EGR3: variants seen among roughly 807,000 people sequenced by gnomAD.
EGR3 encodes the protein early growth response 3, also known as early growth response protein 3.
EGR3 carries 4 observed loss-of-function variants against 22.4 expected under a neutral mutation model. The ratio of observed to expected loss-of-function variants is 0.18; its 90% confidence interval spans 0.09 to 0.41. The LOEUF is 0.41. EGR3 is among the 10% of genes least tolerant of loss of function. The pLI is 1.00. For missense variants in EGR3, 315 were observed against 541.3 expected (o/e 0.58, Z 4.15); for synonymous variants, 219 against 226.8 (o/e 0.97, Z 0.31).
In EGR3 at chr8:22,689,425, T is replaced by C; in HGVS notation, c.*1048A>G. ...GTGGGAAGGAGAAATTGCTATGTAA[T>C]TGAGAGAAGACACAAAGCTGGAGTG... On this transcript the variant is annotated 3_prime_UTR_variant, in exon 2 of 2. Coordinates refer to ENST00000317216, the MANE Select transcript of EGR3 (RefSeq NM_004430.3). 6.6e-6 allele frequency: 1 copy of C among 152,572 alleles called. No individual in the cohort carries two copies. Among genetic ancestry groups the C allele is most frequent in the East Asian group, 1.9e-4 (1 of 5,188 alleles). The allele number at this position is 152,572 out of a possible 1,614,324, so 9.5% of individuals were successfully genotyped here. A position where few individuals can be genotyped will look rare whatever the true frequency, so the allele number is the denominator to read the frequency against.
Position 22,691,465 on chromosome 8 carries a change from C to A in EGR3, c.172G>T (p.Gly58Cys). ...QMATENVMDI[G>C]LTNEKPNPEL... ...GGGTTGGGCTTCTCGTTGGTCAGAC[C>A]GATGTCCATTACATTCTCTGCGGAG... The change falls in exon 2 of 2, where the codon GGT becomes TGT. Residue 58 changes from glycine to cysteine, a missense_variant. By Grantham distance (159) the Gly-to-Cys change is radical. Around this residue, in one of 4 missense-constraint regions of EGR3, gnomAD observed 227 missense variants for 303.6 expected, o/e 0.75. Transcript: ENST00000317216. 2 of 1,613,818 alleles carry A rather than the reference C, an allele frequency of 1.2e-6. No homozygotes were observed. Among genetic ancestry groups the A allele is most frequent in the Non-Finnish European group, 1.7e-6 (2 of 1,179,944 alleles).
rs1009486237 is a variant in EGR3, at chr8:22,692,156, G to A, written c.154+635C>T. The A allele has an allele frequency of 7.3e-6, 10 of 1,379,310 alleles. No individual in the cohort carries two copies. The African/African-American group carries it at 1.5e-4, about 21-fold the overall frequency. 85.4% of individuals were successfully genotyped at this position (1,379,310 alleles called of 1,614,324 possible). A position where few individuals can be genotyped will look rare whatever the true frequency, so the allele number is the denominator to read the frequency against. On this transcript the variant is annotated intron_variant, in intron 1 of 1. Transcript: ENST00000317216. This position sits in a 1 kb window ranked among gnomAD's most constrained non-coding sequence, Gnocchi z 6.2. The stretch of plus-strand genomic sequence containing the variant: ...AAACCGGCCGGTGTCTCCATGGCGG[G>A]AGAGGCCGCCCTTCCCCAGCTCCCC...
rs1563183321 is a variant in EGR3, at chr8:22,691,149, G to C, written c.488C>G (p.Pro163Arg). The change falls in exon 2 of 2, where the codon CCC (proline) becomes CGC (arginine). Residue 163 changes from proline to arginine, a missense_variant. Around this residue, in one of 4 missense-constraint regions of EGR3, gnomAD observed 227 missense variants for 303.6 expected, o/e 0.75. Coordinates refer to ENST00000317216, the MANE Select transcript of EGR3 (RefSeq NM_004430.3). Reference protein sequence around the residue: ...LYSEPVSFHDPQGNPGLAYSP... With the variant: ...LYSEPVSFHDRQGNPGLAYSP... Reference sequence around the variant, plus strand: ...ATAGGCGAGCCCGGGATTGCCCTGGGGGTCGTGGAAAGACACGGGCTCTGA... The same window carrying C: ...ATAGGCGAGCCCGGGATTGCCCTGGCGGTCGTGGAAAGACACGGGCTCTGA... 6.2e-7 allele frequency: 1 copy of C among 1,614,112 alleles called. No homozygotes were observed. The highest frequency in any genetic ancestry group is 1.1e-5 in the South Asian group (1 of 91,088).
Position 22,690,155 on chromosome 8 carries a change from A to C in EGR3, c.*318T>G. ...ATGGGCTCCGCCTTCAGTCCCTTGC[A>C]GGTCCTTGGCGCGGCCCGGCGGCCC... On this transcript the variant is annotated 3_prime_UTR_variant, in exon 2 of 2. Transcript: ENST00000317216. 2.5e-6 allele frequency: 1 copy of C among 407,788 alleles called. No homozygotes were observed. The highest frequency in any genetic ancestry group is 4.1e-5 in the Admixed American group (1 of 24,316). The allele number at this position is 407,788 out of a possible 1,614,324, so 25.3% of individuals were successfully genotyped here. A position where few individuals can be genotyped will look rare whatever the true frequency, so the allele number is the denominator to read the frequency against.
chr8:22,691,061 A>G lies in EGR3; in HGVS notation c.576T>C (p.Pro192=). The change falls in exon 2 of 2, where the codon CCT becomes CCC. Residue 192 remains proline, a synonymous_variant. Coordinates refer to ENST00000317216, the MANE Select transcript of EGR3 (RefSeq NM_004430.3). ...ALDSNLFPMI[P]DYNLYHHPND... ...TGGGGTGGTGGTAGAGGTTGTAGTC[A>G]GGAATCATGGGGAAGAGATTGCTGT... 6.2e-7 allele frequency: 1 copy of G among 1,611,964 alleles called. No individual in the cohort carries two copies. Among genetic ancestry groups the G allele is most frequent in the Non-Finnish European group, 8.5e-7 (1 of 1,178,330 alleles).
rs890779964 is a variant in EGR3 at position 22,687,772 on chromosome 8, A to G, written c.*2701T>C. 1.3e-5 allele frequency: 2 copies of G among 152,704 alleles called. No individual in the cohort carries two copies. The highest frequency in any genetic ancestry group is 4.8e-5 in the African/African-American group (2 of 41,480). The allele number at this position is 152,704 out of a possible 1,614,324, so 9.5% of individuals were successfully genotyped here. On this transcript the variant is annotated 3_prime_UTR_variant, in exon 2 of 2. Coordinates refer to ENST00000317216, the MANE Select transcript of EGR3 (RefSeq NM_004430.3). The surrounding 1 kb of genome is among the most constrained non-coding windows in gnomAD (Gnocchi z 4.7). ...ATTTACTGTATTAGCATTTGCTCAC[A>G]GTGCAAATGGTACAACATTACACCA...
At position 22,690,060 on chromosome 8, in the gene EGR3, C is replaced by A. The variant is rs1049594658; in HGVS notation, c.*413G>T. ...TGCGCTCCTTACCCCCTCCCCCTCT[C>A]GAGTCTTCGAGGGGGTATAGAGGGA... On this transcript the variant is annotated 3_prime_UTR_variant, in exon 2 of 2. Coordinates refer to ENST00000317216, the MANE Select transcript of EGR3 (RefSeq NM_004430.3). 6 of 204,054 alleles carry A rather than the reference C, an allele frequency of 2.9e-5. No individual in the cohort carries two copies. Among genetic ancestry groups the A allele is most frequent in the Non-Finnish European group, 5.9e-5 (6 of 101,550 alleles). The allele number at this position is 204,054 out of a possible 1,614,324, so 12.6% of individuals were successfully genotyped here.
Position 22,692,202 on chromosome 8 carries a change from T to A in EGR3, c.154+589A>T. On this transcript the variant is annotated intron_variant, in intron 1 of 1. Transcript: ENST00000317216. The surrounding 1 kb of genome is among the most constrained non-coding windows in gnomAD (Gnocchi z 6.2). ...TCCCCGGCCCCGGGATCGTTCCCCG[T>A]GGCAGGCCCTCGCCCCGCGGGTGAA... 7.1e-7 allele frequency: 1 copy of A among 1,406,856 alleles called. No homozygotes were observed. The highest frequency in any genetic ancestry group is 9.2e-7 in the Non-Finnish European group (1 of 1,086,072). 87.1% of individuals were successfully genotyped at this position (1,406,856 alleles called of 1,614,324 possible).
rs1202840333 is a variant in EGR3, at chr8:22,688,815, AC to A, written c.*1657del. ...CCTATTACTCCACTTCAAAGGAGCCACCCTGTACGAGAAGGGCTGGCAGGAC... is the reference window on the plus strand; with the variant it reads ...CCTATTACTCCACTTCAAAGGAGCCACCTGTACGAGAAGGGCTGGCAGGAC... On this transcript the variant is annotated 3_prime_UTR_variant, in exon 2 of 2. Transcript: ENST00000317216. The A allele has an allele frequency of 2.0e-5, 3 of 152,702 alleles. No individual in the cohort carries two copies. Among genetic ancestry groups the A allele is most frequent in the Non-Finnish European group, 2.9e-5 (2 of 68,044 alleles). The allele number at this position is 152,702 out of a possible 1,614,324, so 9.5% of individuals were successfully genotyped here. A position where few individuals can be genotyped will look rare whatever the true frequency, so the allele number is the denominator to read the frequency against.
At position 22,691,192 on chromosome 8, in the gene EGR3, T is replaced by G; in HGVS notation, c.445A>C (p.Asn149His). The part of the protein sequence containing the change: ...AMYPALPPYS[N>H]CGDLYSEPVS... ...GGCTCTGAGTAGAGGTCGCCGCAGT[T>G]GGAGTAGGGGGGTAGCGCGGGATAC... is the stretch of plus-strand genomic sequence containing the variant. The change falls in exon 2 of 2, where the codon AAC (asparagine) becomes CAC (histidine). Residue 149 changes from asparagine (N) to histidine (H), a missense_variant. Transcript: ENST00000317216. The G allele has an allele frequency of 6.2e-7, 1 of 1,613,686 alleles. No individual in the cohort carries two copies. The highest frequency in any genetic ancestry group is 8.5e-7 in the Non-Finnish European group (1 of 1,179,908).
rs1804026719 is a variant in EGR3, at chr8:22,693,140, G to T, written c.-196C>A. On this transcript the variant is annotated 5_prime_UTR_variant, in exon 1 of 2. Transcript: ENST00000317216. ...GGAGAGGGGATCTTCTCTTTTTTGGGGGGCGGGAGAGGGCCCCAGGGGGTA... is the reference window on the plus strand; with the variant it reads ...GGAGAGGGGATCTTCTCTTTTTTGGTGGGCGGGAGAGGGCCCCAGGGGGTA... 5.4e-6 allele frequency: 5 copies of T among 922,982 alleles called. No homozygotes were observed. The highest frequency in any genetic ancestry group is 5.1e-5 in the South Asian group (3 of 58,880). The allele number at this position is 922,982 out of a possible 1,614,324, so 57.2% of individuals were successfully genotyped here.
rs762965197 is a variant in EGR3 at position 22,692,970 on chromosome 8, C to T, written c.-26G>A. The T allele has an allele frequency of 2.0e-5, 31 of 1,586,462 alleles. No individual in the cohort carries two copies. In the Admixed American group the frequency reaches 4.2e-4, roughly 21 times the overall value. The stretch of plus-strand genomic sequence containing the variant: ...AGCACTCCCGAGCTGCCGCCGCCGC[C>T]GCCACCGCCGCCACCGCCGCCGCTC... On this transcript the variant is annotated 5_prime_UTR_variant, in exon 1 of 2. Transcript: ENST00000317216. The surrounding 1 kb of genome is among the most constrained non-coding windows in gnomAD (Gnocchi z 6.2).
Position 22,692,785 on chromosome 8 carries a change from C to G in EGR3, c.154+6G>C, listed in dbSNP as rs1467929302. On this transcript the variant is annotated splice_donor_region_variant and intron_variant, in intron 1 of 1. Coordinates refer to ENST00000317216, the MANE Select transcript of EGR3 (RefSeq NM_004430.3). The surrounding 1 kb of genome is among the most constrained non-coding windows in gnomAD (Gnocchi z 6.2). ...CGCTGCCTCGCCGCCTCCCCGCCGCCCTTACCTGTAGCCATCTGATTGTAA... is the reference window on the plus strand; with the variant it reads ...CGCTGCCTCGCCGCCTCCCCGCCGCGCTTACCTGTAGCCATCTGATTGTAA... 1 of 1,613,686 alleles carries G rather than the reference C, an allele frequency of 6.2e-7. No homozygotes were observed. The highest frequency in any genetic ancestry group is 1.3e-5 in the African/African-American group (1 of 75,002).
chr8:22,690,890 C>T lies in EGR3; in HGVS notation c.747G>A (p.Pro249=), dbSNP rs1488738044. 1 of 1,581,576 alleles carries T rather than the reference C, an allele frequency of 6.3e-7. No individual in the cohort carries two copies. Among genetic ancestry groups the T allele is most frequent in the Non-Finnish European group, 8.6e-7 (1 of 1,161,368 alleles). Residue 249 remains proline (P), a synonymous_variant, in exon 2 of 2, where the codon CCG becomes CCA. Coordinates refer to ENST00000317216, the MANE Select transcript of EGR3 (RefSeq NM_004430.3). ...IHPGFGSLPQ[P]PLTLKPIRPR... is the part of the protein sequence containing the mutation. ...GCCGGATGGGCTTGAGGGTGAGCGG[C>T]GGCTGGGGCAGGCTGCCAAAGCCCG...
chr8:22,691,861 C>T (rs575392198), intron 1 of EGR3: 10 of 985,402 alleles, frequency 1.0e-5, no homozygotes, highest in African/African-American at 3.5e-5. Flanking sequence ...CGCTCTCCAC[C>T]GCACACAACT....
rs774657186 is a variant in EGR3 at position 22,691,228 on chromosome 8, C to T, written c.409G>A (p.Val137Met). The T allele has an allele frequency of 5.6e-6, 9 of 1,613,826 alleles. No homozygotes were observed. The highest frequency in any genetic ancestry group is 1.7e-5 in the Admixed American group (1 of 60,002). Residue 137 changes from valine (V) to methionine (M), a missense_variant, in exon 2 of 2, where the codon GTG (valine) becomes ATG (methionine). Transcript: ENST00000317216. ...ASMVQPPQGD[V>M]EAMYPALPPY... is the part of the protein sequence containing the mutation. ...GGTAGCGCGGGATACATGGCCTCCA[C>T]GTCACCCTGCGGTGGCTGCACCATG...
chr8:22,689,012 C>A lies in EGR3; in HGVS notation c.*1461G>T, dbSNP rs572575168. 6.6e-6 allele frequency: 1 copy of A among 152,600 alleles called. No individual in the cohort carries two copies. Among genetic ancestry groups the A allele is most frequent in the Middle Eastern group, 3.2e-3 (1 of 316 alleles). 9.5% of individuals were successfully genotyped at this position (152,600 alleles called of 1,614,324 possible). A position where few individuals can be genotyped will look rare whatever the true frequency, so the allele number is the denominator to read the frequency against. Reference sequence around the variant, plus strand: ...ATATGTGTATACACACATATCCATACATAGATGTGTATATGTGTATATATG... The same window carrying A: ...ATATGTGTATACACACATATCCATAAATAGATGTGTATATGTGTATATATG... On this transcript the variant is annotated 3_prime_UTR_variant, in exon 2 of 2. Transcript: ENST00000317216.
chr8:22,691,987 C>CT (rs970925514), intron 1 of EGR3: 2 of 1,277,292 alleles, frequency 1.6e-6, no homozygotes, highest in Non-Finnish European at 2.0e-6. Context: ...ACGCTTTGTC[C>CT]TCGGAGCGTA....
Position 22,692,119 on chromosome 8 carries a change from G to A in EGR3, c.155-637C>T, listed in dbSNP as rs1022955309. 1 of 1,367,330 alleles carries A rather than the reference G, an allele frequency of 7.3e-7. No homozygotes were observed. The highest frequency in any genetic ancestry group is 9.4e-7 in the Non-Finnish European group (1 of 1,064,794). 84.7% of individuals were successfully genotyped at this position (1,367,330 alleles called of 1,614,324 possible). A position where few individuals can be genotyped will look rare whatever the true frequency, so the allele number is the denominator to read the frequency against. The stretch of plus-strand genomic sequence containing the variant: ...ATCCTAGCCCCAGCTAGGGAGGGTG[G>A]AGAGCGGCGGAAAACCGGCCGGTGT... On this transcript the variant is annotated intron_variant, in intron 1 of 1. Transcript: ENST00000317216. The surrounding 1 kb of genome is among the most constrained non-coding windows in gnomAD (Gnocchi z 6.2).
Sources: allele counts gnomAD v4.1 joint callset, GRCh38; gene constraint gnomAD v4.1.1; regional missense constraint gnomAD v4.1.1; non-coding constraint Gnocchi (gnomAD v3.1); transcripts MANE v1.5; gene names NCBI Gene and HGNC (gene_info 2026-07-23, HGNC 2026-07-21).